Variants in USP8 observed in about 807,000 individuals in gnomAD.
The protein encoded by USP8 is ubiquitin specific peptidase 8.
Under a neutral mutation model 130.0 loss-of-function variants are expected in USP8, and 27 were observed. The observed-to-expected ratio is 0.21, with a 90% confidence interval of 0.15 to 0.29. The LOEUF is 0.29. Among genes scored for constraint, USP8 ranks in the 10% least tolerant of loss-of-function variants. The probability of loss-of-function intolerance (pLI) is 1.00; values close to 1 mark genes in which losing one functional copy is unlikely to be tolerated. For missense variants in USP8, 1,029 were observed against 1,312.2 expected (o/e 0.78, Z 3.33); for synonymous variants, 392 against 444.1 (o/e 0.88, Z 1.48).
intron 8 of USP8, among the ~76,000 whole-genome samples, chr15:50,473,300 A>T (rs769434807): frequency 1.3e-5 from 2 of 152,178 alleles, no homozygotes; most frequent in Non-Finnish European, 2.9e-5. Context: ...ATTTGCATAT[A>T]AACTACACAT....
chr15:50,499,717 A>T lies in USP8; in HGVS notation c.*629A>T, dbSNP rs1566897197. ...TTCTAAAAAAAAAAATGGAAACTTT[A>T]ATTTTTTTAAAACGAGAATTTCATT... On this transcript the variant is annotated 3_prime_UTR_variant, in exon 20 of 20. Transcript: ENST00000307179. 6.6e-6 allele frequency: 1 copy of T among 152,138 alleles called. No homozygotes were observed. 9.4% of individuals were successfully genotyped at this position (152,138 alleles called of 1,614,324 possible). A position where few individuals can be genotyped will look rare whatever the true frequency, so the allele number is the denominator to read the frequency against.
intron 11 of USP8, among the ~76,000 whole-genome samples, chr15:50,483,274 G>A (rs2051839352): frequency 6.6e-6 from 1 of 152,172 alleles, no homozygotes; most frequent in Non-Finnish European, 1.5e-5. Context: ...TATACTAGAG[G>A]CATGCAGTCT....
chr15:50,473,816 A>T lies in USP8; in HGVS notation c.849+2021A>T, dbSNP rs570906921. 5.4e-5 allele frequency among the ~76,000 whole-genome samples: 8 copies of T among 149,306 alleles called. No individual in the cohort carries two copies. In the East Asian group the frequency reaches 6.0e-4, roughly 11 times the overall value. ...GTTGGGCATCTAAGTATATATATAT[A>T]TATATTTTTTTAATTTAATTTAATT... On this transcript the variant is annotated intron_variant, in intron 8 of 19. Coordinates refer to ENST00000307179, the MANE Select transcript of USP8 (RefSeq NM_005154.5).
chr15:50,493,841 TTGA>T lies in USP8; in HGVS notation c.2448-222_2448-220del, dbSNP rs1468354957. 7.4e-6 allele frequency: 5 copies of T among 672,224 alleles called. No homozygotes were observed. The East Asian group carries it at 8.7e-5, about 12-fold the overall frequency. The allele number at this position is 672,224 out of a possible 1,614,324, so 41.6% of individuals were successfully genotyped here. ...CCTCGCTGTCATGAACTGGAGCCTG[TTGA>T]TGATGAGGAGACCATGCAGGGCTTG... On this transcript the variant is annotated intron_variant, in intron 15 of 19. Coordinates refer to ENST00000307179, the MANE Select transcript of USP8 (RefSeq NM_005154.5).
At position 50,462,292 on chromosome 15, in the gene USP8, A is replaced by C. The variant is rs1334060411; in HGVS notation, c.511A>C (p.Lys171Gln). Residue 171 changes from lysine to glutamine, a missense_variant, in exon 6 of 20, where the codon AAG becomes CAG. Physicochemically the swap from Lys to Gln is moderately conservative, Grantham distance 53 (BLOSUM62 1). Around this residue, in one of 4 missense-constraint regions of USP8, gnomAD observed 281 missense variants for 336.7 expected, o/e 0.83. Coordinates refer to ENST00000307179, the MANE Select transcript of USP8 (RefSeq NM_005154.5). Reference protein sequence around the residue: ...KDKTQKSNGEKNEKCETKEKG... With the variant: ...KDKTQKSNGEQNEKCETKEKG... ...TCCTATGCAATAGAGCAATGGTGAAAAGAATGAAAAATGTGAGACCAAAGA... is the reference window on the plus strand; with the variant it reads ...TCCTATGCAATAGAGCAATGGTGAACAGAATGAAAAATGTGAGACCAAAGA... 1 of 1,603,012 alleles carries C rather than the reference A, an allele frequency of 6.2e-7. No homozygotes were observed. The highest frequency in any genetic ancestry group is 2.2e-5 in the East Asian group (1 of 44,684).
chr15:50,513,387 A>G lies in USP8; in HGVS notation c.*14299A>G, dbSNP rs1224153929. Reference sequence around the variant, plus strand: ...ATTATAACCACATGCAACAATATGGATATATCTTTAAAATATTTAATGAAA... The same window carrying G: ...ATTATAACCACATGCAACAATATGGGTATATCTTTAAAATATTTAATGAAA... On this transcript the variant is annotated 3_prime_UTR_variant, in exon 20 of 20. Coordinates refer to ENST00000307179, the MANE Select transcript of USP8 (RefSeq NM_005154.5). The G allele has an allele frequency of 2.6e-5, 4 of 152,116 alleles. No homozygotes were observed. Among genetic ancestry groups the G allele is most frequent in the African/African-American group, 9.7e-5 (4 of 41,436 alleles). 9.4% of individuals were successfully genotyped at this position (152,116 alleles called of 1,614,324 possible).
Position 50,481,484 on chromosome 15 carries a change from G to T in USP8, c.1222G>T (p.Asp408Tyr). 1 of 1,581,752 alleles carries T rather than the reference G, an allele frequency of 6.3e-7. No homozygotes were observed. The highest frequency in any genetic ancestry group is 1.2e-5 in the South Asian group (1 of 84,924). Residue 408 changes from aspartate to tyrosine, a missense_variant, in exon 11 of 20, where the codon GAT becomes TAT. By Grantham distance (160) the Asp-to-Tyr change is radical (BLOSUM62 -3). This residue lies in a region of USP8 where 486 missense variants were observed against 522.0 expected (regional missense o/e 0.93). Coordinates refer to ENST00000307179, the MANE Select transcript of USP8 (RefSeq NM_005154.5). The stretch of plus-strand genomic sequence containing the variant: ...TGCTCTGGTTTTGTTGCTCTAGATT[G>T]ATCGTACTAAAAAACCAGCAGTCAA... ...VPSIKNVPQI[D>Y]RTKKPAVKLP...
intron 10 of USP8, among the ~76,000 whole-genome samples, chr15:50,478,408 A>AT (rs1209901898): frequency 1.3e-5 from 2 of 152,036 alleles, no homozygotes; most frequent in Non-Finnish European, 2.9e-5. Context: ...TTCATTTTTA[A>AT]TTTTTTCCCC....
chr15:50,496,698 T>C (rs1364849941), intron 17 of USP8, among the ~76,000 whole-genome samples: 1 of 152,250 alleles, frequency 6.6e-6, no homozygotes, highest in East Asian at 1.9e-4. Context: ...CTACTTTTCA[T>C]AAGCATTTGC....
chr15:50,485,310 C>T (rs1184611022), intron 12 of USP8, among the ~76,000 whole-genome samples: 1 of 151,470 alleles, frequency 6.6e-6, no homozygotes, highest in Non-Finnish European at 1.5e-5. Context: ...ATTAGCCGGG[C>T]GTGGTGGCAG....
chr15:50,469,831 ATT>A (rs35172083), intron 7 of USP8, among the ~76,000 whole-genome samples: 1,611 of 135,980 alleles, frequency 0.012, 14 homozygotes, highest in African/African-American at 0.041. Flanking sequence ...ATTAAATCCA[ATT>A]TTTTTTTTTT....
intron 17 of USP8, among the ~76,000 whole-genome samples, chr15:50,496,495 A>C (rs932767651): frequency 2.6e-5 from 4 of 151,956 alleles, no homozygotes; most frequent in Admixed American, 2.0e-4. Flanking sequence ...AAAAAAAAAA[A>C]AAAAACCTTT....
chr15:50,500,932 C>G lies in USP8; in HGVS notation c.*1844C>G, dbSNP rs1189471120. 1 of 1,036,386 alleles carries G rather than the reference C, an allele frequency of 9.6e-7. No homozygotes were observed. The highest frequency in any genetic ancestry group is 1.5e-6 in the Non-Finnish European group (1 of 689,184). The allele number at this position is 1,036,386 out of a possible 1,614,324, so 64.2% of individuals were successfully genotyped here. On this transcript the variant is annotated 3_prime_UTR_variant, in exon 20 of 20. Transcript: ENST00000307179. ...GGCCAAGAGATGCTTTTTAAATTGTCCCTTATTCTAAATTAAAAGGAAGTG... is the reference window on the plus strand; with the variant it reads ...GGCCAAGAGATGCTTTTTAAATTGTGCCTTATTCTAAATTAAAAGGAAGTG...
intron 1 of USP8, among the ~76,000 whole-genome samples, chr15:50,427,694 G>A (rs535233850): frequency 6.6e-6 from 1 of 151,360 alleles, no homozygotes; most frequent in South Asian, 2.1e-4. Flanking sequence ...CGAGTAGCTG[G>A]GACTATAGGC....
intron 18 of USP8, 158 bp from the exon 19 acceptor site, chr15:50,498,438 A>C (rs2052496987): frequency 1.1e-6 from 1 of 941,882 alleles, no homozygotes; most frequent in Non-Finnish European, 1.5e-6. Context: ...ATGGAAATGA[A>C]GCCAAATGTC....
intron 11 of USP8, 139 bp from the exon 12 acceptor site, chr15:50,484,136 T>C (rs1455645484): frequency 1.8e-6 from 1 of 564,862 alleles, no homozygotes; most frequent in East Asian, 3.4e-5. Context: ...GACAGTAAAA[T>C]ATAATAAAAT....
At chr15:50,493,783 C>CA (rs1566889406) in intron 15 of USP8, 1 of 526,612 alleles carries the variant, frequency 1.9e-6, no homozygotes, top group Non-Finnish European at 3.5e-6. Context: ...TAGTAAAGGA[C>CA]AGACAGGATG....
chr15:50,467,745 C>T (rs1247032396), intron 7 of USP8, among the ~76,000 whole-genome samples: 3 of 151,196 alleles, frequency 2.0e-5, no homozygotes, highest in South Asian at 4.2e-4. Flanking sequence ...TTTGTAGAGA[C>T]GGGGTTTTGC....
chr15:50,496,031 G>A lies in USP8; in HGVS notation c.2842G>A (p.Ala948Thr). The A allele has an allele frequency of 6.2e-7, 1 of 1,613,930 alleles. No individual in the cohort carries two copies. Among genetic ancestry groups the A allele is most frequent in the South Asian group, 1.1e-5 (1 of 91,072 alleles). Reference sequence around the variant, plus strand: ...TCACAAAAAGTCTAGGACATTTGAGGCCTTCATGTATTTGTCTCTACCACT... The same window carrying A: ...TCACAAAAAGTCTAGGACATTTGAGACCTTCATGTATTTGTCTCTACCACT... ...TCHKKSRTFE[A>T]FMYLSLPLAS... The change falls in exon 17 of 20, where the codon GCC becomes ACC. Residue 948 changes from alanine (A) to threonine (T), a missense_variant. Transcript: ENST00000307179.
Sources: allele counts gnomAD v4.1 joint callset (sites outside exome capture counted in the v4.1 genomes callset), GRCh38; gene constraint gnomAD v4.1.1; regional missense constraint gnomAD v4.1.1; transcripts MANE v1.5; gene names NCBI Gene and HGNC (gene_info 2026-07-23, HGNC 2026-07-21).